Variants in LAMA4 observed in about 807,000 individuals in gnomAD.
LAMA4 encodes laminin subunit alpha 4.
LAMA4 carries 127 observed loss-of-function variants against 207.1 expected under a neutral mutation model. That is an observed-to-expected ratio of 0.61 (90% CI 0.53 to 0.71). LAMA4 has a LOEUF of 0.71. Among genes scored for constraint, LAMA4 ranks in the 30% least tolerant of loss-of-function variants. The pLI is 0.00. For synonymous variants in LAMA4, 761 were observed against 816.0 expected, an observed-to-expected ratio of 0.93 and a Z score of 1.15; for missense variants, 2,093 against 2,246.5, an observed-to-expected ratio of 0.93 and a Z score of 1.38.
At chr6:112,189,019 TAG>T in intron 7 of LAMA4, 89 bp downstream of exon 7, 1 of 943,288 alleles carries the variant, frequency 1.1e-6, no homozygotes, top group Non-Finnish European at 1.7e-6. Context: ...CAGCAGTTTC[TAG>T]AGAGTGATAT....
At chr6:112,180,649 G>A (rs1554345104) in intron 9 of LAMA4, among the ~76,000 whole-genome samples, 1 of 152,088 alleles carries the variant, frequency 6.6e-6, no homozygotes, top group East Asian at 1.9e-4. Flanking sequence ...AGGATGTCTT[G>A]GTAATATAGT....
At chr6:112,169,394 A>C (rs1554341105) in intron 12 of LAMA4, among the ~76,000 whole-genome samples, 1 of 152,252 alleles carries the variant, frequency 6.6e-6, no homozygotes, top group African/African-American at 2.4e-5. Flanking sequence ...AGCAGGTAAT[A>C]GCAAGGCTAA....
At chr6:112,154,691 C>T in intron 16 of LAMA4, 160 bp downstream of exon 16, 1 of 643,430 alleles carries the variant, frequency 1.6e-6, no homozygotes, top group Non-Finnish European at 2.8e-6. Context: ...AGTATCAAAT[C>T]TTTGCTCTTT....
rs1554344469 is a variant in LAMA4 at position 112,178,211 on chromosome 6, C to T, written c.1099G>A (p.Gly367Arg). 1.2e-6 allele frequency: 2 copies of T among 1,613,696 alleles called. No homozygotes were observed. The highest frequency in any genetic ancestry group is 4.5e-5 in the East Asian group (2 of 44,858). Residue 367 changes from glycine to arginine, a missense_variant, in exon 10 of 39, where the codon GGA (glycine) becomes AGA (arginine). This residue lies in a region of LAMA4 where 1,704 missense variants were observed against 1,788.4 expected (regional missense o/e 0.95). Transcript: ENST00000230538. ...ATGCTTTCCTTCTGAACAAGTTGTC[C>T]TTTTCTGGAGGCTTGATTTTCCTAC... is the stretch of plus-strand genomic sequence containing the variant. Reference protein sequence around the residue: ...VEKENQASRKGQLVQKESMDT... With the variant: ...VEKENQASRKRQLVQKESMDT...
In LAMA4 at chr6:112,198,394, C is replaced by T. The variant is rs570797323; in HGVS notation, c.503+3214G>A. Among the ~76,000 whole-genome samples the T allele has an allele frequency of 3.9e-5, 6 of 152,278 alleles. No homozygotes were observed. The South Asian group carries it at 1.2e-3, about 32-fold the overall frequency. On this transcript the variant is annotated intron_variant, in intron 5 of 38. Transcript: ENST00000230538. ...CAAATCAGTTGCATATTTAGAAAAG[C>T]TCTTTTGGAGAGGTTCAAGTTCACA...
rs782205619 is a variant in LAMA4 at position 112,134,697 on chromosome 6, T to C, written c.3415-88A>G. The C allele has an allele frequency of 1.9e-4, 202 of 1,062,990 alleles. No homozygotes were observed. In the Middle Eastern group the frequency reaches 3.9e-3, roughly 21 times the overall value. The allele number at this position is 1,062,990 out of a possible 1,614,324, so 65.8% of individuals were successfully genotyped here. A position where few individuals can be genotyped will look rare whatever the true frequency, so the allele number is the denominator to read the frequency against. ...TCTATATATTTTAATTCTCCTGGTA[T>C]ACTAGCTGTTCTTCCATGCCTTTGT... On this transcript the variant is annotated intron_variant, in intron 25 of 38. Transcript: ENST00000230538.
intron 4 of LAMA4, among the ~76,000 whole-genome samples, chr6:112,202,443 G>GTGTGT (rs781857527): frequency 0.025 from 3,747 of 150,094 alleles, 145 homozygotes; most frequent in African/African-American, 0.084. Flanking sequence ...GGGGCATAGG[G>GTGTGT]GTGTGTGTGT....
chr6:112,153,518 T>C (rs1327804162), intron 16 of LAMA4, among the ~76,000 whole-genome samples: 1 of 152,082 alleles, frequency 6.6e-6, no homozygotes, highest in Admixed American at 6.5e-5. Context: ...TAGGGATCGA[T>C]TAATGGTTAA....
chr6:112,254,252 C>T lies in LAMA4; in HGVS notation c.-102G>A. ...CGGTGCCTCGCTTATTTTCCCTCCT[C>T]TCCGTGTGCAGTATCCCGAGGTGGC... is the stretch of plus-strand genomic sequence containing the variant. On this transcript the variant is annotated 5_prime_UTR_variant, in exon 2 of 39. Coordinates refer to ENST00000230538, the MANE Select transcript of LAMA4 (RefSeq NM_001105206.3). 3 of 1,472,276 alleles carry T rather than the reference C, an allele frequency of 2.0e-6. No individual in the cohort carries two copies. The highest frequency in any genetic ancestry group is 2.8e-6 in the Non-Finnish European group (3 of 1,065,560). 91.2% of individuals were successfully genotyped at this position (1,472,276 alleles called of 1,614,324 possible). A position where few individuals can be genotyped will look rare whatever the true frequency, so the allele number is the denominator to read the frequency against.
chr6:112,140,859 C>G lies in LAMA4; in HGVS notation c.2877G>C (p.Lys959Asn), dbSNP rs782445134. The stretch of plus-strand genomic sequence containing the variant: ...CCGAAAATTCCCCCTTTTTAATGAA[C>G]TTTTCCTCTGCTGTGCTACTTAGAC... ...VPSLSSTAEE[K>N]FIKKGEFSGD... is the part of the protein sequence containing the mutation. The change falls in exon 22 of 39, where the codon AAG becomes AAC. Residue 959 changes from lysine to asparagine, a missense_variant. Lys to Asn is a moderately conservative substitution (Grantham distance 94). Around this residue, in one of 3 missense-constraint regions of LAMA4, gnomAD observed 1,704 missense variants for 1,788.4 expected, o/e 0.95. Coordinates refer to ENST00000230538, the MANE Select transcript of LAMA4 (RefSeq NM_001105206.3). 6.2e-7 allele frequency: 1 copy of G among 1,613,998 alleles called. No individual in the cohort carries two copies. The highest frequency in any genetic ancestry group is 1.3e-5 in the African/African-American group (1 of 75,034).
In LAMA4 at chr6:112,178,544, C is replaced by T. The variant is rs1281426295; in HGVS notation, c.1078-312G>A. ...CCCATCACCCGAGCAGTATACACTG[C>T]ACCATATTTGTAGTCTTTTATCCCT... On this transcript the variant is annotated intron_variant, in intron 9 of 38. Coordinates refer to ENST00000230538, the MANE Select transcript of LAMA4 (RefSeq NM_001105206.3). The T allele has an allele frequency of 3.7e-5, 13 of 351,350 alleles. No individual in the cohort carries two copies. The East Asian group carries it at 9.5e-4, about 26-fold the overall frequency. The allele number at this position is 351,350 out of a possible 1,614,324, so 21.8% of individuals were successfully genotyped here. A position where few individuals can be genotyped will look rare whatever the true frequency, so the allele number is the denominator to read the frequency against.
intron 5 of LAMA4, among the ~76,000 whole-genome samples, chr6:112,195,571 C>A (rs1046855633): frequency 3.3e-5 from 5 of 152,276 alleles, no homozygotes; most frequent in South Asian, 2.1e-4. Flanking sequence ...TTATCATCTT[C>A]ATCTCTGATG....
In LAMA4 at chr6:112,120,344, A is replaced by G; in HGVS notation, c.4604T>C (p.Val1535Ala). 3 of 1,614,080 alleles carry G rather than the reference A, an allele frequency of 1.9e-6. No homozygotes were observed. The highest frequency in any genetic ancestry group is 2.5e-6 in the Non-Finnish European group (3 of 1,179,990). The part of the protein sequence containing the change: ...AHGRLVYMFN[V>A]GHKKLKIRSQ... The stretch of plus-strand genomic sequence containing the variant: ...TCTAATCTTCAGTTTTTTGTGACCA[A>G]CATTAAACATGTAAACCAAGCGGCC... The change falls in exon 33 of 39, where the codon GTT (valine) becomes GCT (alanine). Residue 1535 changes from valine to alanine, a missense_variant. This residue lies in a region of LAMA4 where 383 missense variants were observed against 437.8 expected (regional missense o/e 0.87). Coordinates refer to ENST00000230538, the MANE Select transcript of LAMA4 (RefSeq NM_001105206.3).
intron 2 of LAMA4, among the ~76,000 whole-genome samples, chr6:112,229,078 T>C (rs538154308): frequency 1.3e-5 from 2 of 152,222 alleles, no homozygotes; most frequent in Non-Finnish European, 2.9e-5. Context: ...AAAGGCTCAT[T>C]GAAAAATGTT....
At chr6:112,140,983 G>A (rs1443467442) in intron 21 of LAMA4, 61 bp from the exon 22 acceptor site, 15 of 1,461,510 alleles carry the variant, frequency 1.0e-5, no homozygotes, top group Non-Finnish European at 1.3e-5. Context: ...CTTTTTAAAT[G>A]TCAAAATGTT....
intron 2 of LAMA4, among the ~76,000 whole-genome samples, chr6:112,243,387 T>G (rs1470173402): frequency 6.6e-6 from 1 of 152,250 alleles, no homozygotes; most frequent in East Asian, 1.9e-4. Context: ...TTCAGTATCT[T>G]AAGCCAGGTT....
At chr6:112,183,944 C>A (rs1188758497) in intron 9 of LAMA4, among the ~76,000 whole-genome samples, 32 of 116,328 alleles carry the variant, frequency 2.8e-4, no homozygotes, top group Non-Finnish European at 5.3e-4. Flanking sequence ...AAGCGAGACT[C>A]CATCTCAAAA....
chr6:112,168,575 A>T, intron 12 of LAMA4, among the ~76,000 whole-genome samples: 1 of 151,758 alleles, frequency 6.6e-6, no homozygotes, highest in East Asian at 1.9e-4. Context: ...TGAACTCCTG[A>T]CCTCAGGTGA....
chr6:112,141,907 G>A (rs1262365416), intron 20 of LAMA4, among the ~76,000 whole-genome samples: 1 of 152,180 alleles, frequency 6.6e-6, no homozygotes, highest in Non-Finnish European at 1.5e-5. Flanking sequence ...TAGTGTGATG[G>A]TGATAGGAAA....
Sources: allele counts gnomAD v4.1 joint callset (sites outside exome capture counted in the v4.1 genomes callset), GRCh38; gene constraint gnomAD v4.1.1; regional missense constraint gnomAD v4.1.1; transcripts MANE v1.5; gene names NCBI Gene and HGNC (gene_info 2026-07-23, HGNC 2026-07-21).